Variants in TP63 observed in about 807,000 individuals in gnomAD.
TP63 encodes the protein tumor protein 63.
TP63 carries 17 observed loss-of-function variants against 82.8 expected under a neutral mutation model. That is an observed-to-expected ratio of 0.21 (90% CI 0.14 to 0.31). TP63 has a LOEUF of 0.31. Among genes scored for constraint, TP63 ranks in the 10% least tolerant of loss-of-function variants. TP63 has a pLI of 1.00. For synonymous variants in TP63, 330 were observed against 321.7 expected (o/e 1.03, Z -0.28); for missense variants, 648 against 895.3 (o/e 0.72, Z 3.52).
chr3:189,773,893 A>G (rs1560173497), intron 3 of TP63, among the ~76,000 whole-genome samples: 1 of 143,028 alleles, frequency 7.0e-6, no homozygotes, highest in Non-Finnish European at 1.5e-5. Flanking sequence ...GAGAACACAT[A>G]TCCATGTATT....
At position 189,872,400 on chromosome 3, in the gene TP63, A is replaced by AACAC. The variant is rs60097753; in HGVS notation, c.1213-429_1213-426dup. 5.8e-3 allele frequency among the ~76,000 whole-genome samples: 855 copies of AACAC among 147,096 alleles called. 4 individuals are homozygous for AACAC. Among genetic ancestry groups the AACAC allele is most frequent in the South Asian group, 0.011 (52 of 4,558 alleles). ...ACTCATGCCTGAATAAAGTTTCTCT[A>AACAC]ACACACACACACACACACACACACA... On this transcript the variant is annotated intron_variant, in intron 9 of 13. Transcript: ENST00000264731.
intron 4 of TP63, among the ~76,000 whole-genome samples, chr3:189,816,335 T>C (rs1728180259): frequency 6.6e-6 from 1 of 152,212 alleles, no homozygotes; most frequent in Admixed American, 6.5e-5. Context: ...GTACCATTTA[T>C]TGTGGGATTG....
At chr3:189,717,007 A>G (rs1719014984) in intron 1 of TP63, among the ~76,000 whole-genome samples, 1 of 152,160 alleles carries the variant, frequency 6.6e-6, no homozygotes, top group Non-Finnish European at 1.5e-5. Context: ...CATGTTGACC[A>G]GGCTGGTCTA....
chr3:189,657,644 A>G (rs1436720455), intron 1 of TP63, among the ~76,000 whole-genome samples: 3 of 152,134 alleles, frequency 2.0e-5, no homozygotes, highest in African/African-American at 4.8e-5. Flanking sequence ...ATATTTATCT[A>G]TTGGAGTAGG....
chr3:189,821,686 A>G (rs184020788), intron 4 of TP63, among the ~76,000 whole-genome samples: 3 of 152,374 alleles, frequency 2.0e-5, no homozygotes, highest in Non-Finnish European at 4.4e-5. Context: ...GTTGTAGGGC[A>G]TAGATTATCT....
intron 4 of TP63, among the ~76,000 whole-genome samples, chr3:189,833,402 TAC>T (rs1340335921): frequency 6.6e-6 from 1 of 152,248 alleles, no homozygotes; most frequent in Non-Finnish European, 1.5e-5. Context: ...ATTATGTAAG[TAC>T]AGTGTCTTCA....
intron 3 of TP63, 110 bp downstream of exon 3, chr3:189,738,884 G>A: frequency 1.3e-6 from 2 of 1,493,408 alleles, no homozygotes; most frequent in African/African-American, 1.4e-5. Flanking sequence ...AATGGCCAAG[G>A]CCTTTGGGAA....
intron 1 of TP63, among the ~76,000 whole-genome samples, chr3:189,673,685 G>A (rs1026077986): frequency 6.6e-6 from 1 of 152,074 alleles, no homozygotes; most frequent in African/African-American, 2.4e-5. Flanking sequence ...ATAAATTTAA[G>A]CACATATTTT....
At position 189,669,098 on chromosome 3, in the gene TP63, T is replaced by C. The variant is rs150808046; in HGVS notation, c.62+37521T>C. Among the ~76,000 whole-genome samples, 29 of 151,866 alleles carry C rather than the reference T, an allele frequency of 1.9e-4. No homozygotes were observed. The East Asian group carries it at 5.4e-3, about 28-fold the overall frequency. ...GGGAATAAATAATATAAATCATGAC[T>C]GACTTCTCATCAGAAAAATGGACAC... On this transcript the variant is annotated intron_variant, in intron 1 of 13. Coordinates refer to ENST00000264731, the MANE Select transcript of TP63 (RefSeq NM_003722.5).
chr3:189,631,302 T>C, upstream of TP63: 1 of 1,373,050 alleles, frequency 7.3e-7, no homozygotes, highest in Non-Finnish European at 9.4e-7. Flanking sequence ...TATGAAGTTT[T>C]AGTCAATTGA....
chr3:189,760,114 G>T (rs982525381), intron 3 of TP63, among the ~76,000 whole-genome samples: 4 of 152,156 alleles, frequency 2.6e-5, no homozygotes, highest in Non-Finnish European at 5.9e-5. Flanking sequence ...GCTACAAAAT[G>T]AGATTTGGGT....
intron 4 of TP63, among the ~76,000 whole-genome samples, chr3:189,837,076 C>G (rs536408686): frequency 6.6e-6 from 1 of 152,130 alleles, no homozygotes; most frequent in East Asian, 1.9e-4. Flanking sequence ...GTGTTCTTCA[C>G]GGTGTACGAT....
chr3:189,839,358 A>G (rs1713643835), intron 4 of TP63, among the ~76,000 whole-genome samples: 1 of 152,234 alleles, frequency 6.6e-6, no homozygotes, highest in African/African-American at 2.4e-5. Context: ...AGTTAGAAGC[A>G]CAAAGTGGAA....
In TP63 at chr3:189,808,422, C is replaced by T. The variant is rs752603187; in HGVS notation, c.475C>T (p.Leu159Phe). The T allele has an allele frequency of 3.6e-5, 58 of 1,614,102 alleles. No homozygotes were observed. Among genetic ancestry groups the T allele is most frequent in the African/African-American group, 1.3e-4 (10 of 74,938 alleles). ...ACAGCCCAGCTCCACCTTCGATGCT[C>T]TCTCTCCATCACCCGCCATCCCCTC... ...YAQPSSTFDA[L>F]SPSPAIPSNT... Residue 159 changes from leucine (L) to phenylalanine (F), a missense_variant, in exon 4 of 14, where the codon CTC becomes TTC. Around this residue, in one of 5 missense-constraint regions of TP63, gnomAD observed 182 missense variants for 213.6 expected, o/e 0.85. Coordinates refer to ENST00000264731, the MANE Select transcript of TP63 (RefSeq NM_003722.5).
Position 189,856,727 on chromosome 3 carries a change from C to T in TP63, c.580-7505C>T, listed in dbSNP as rs145440947. Among the ~76,000 whole-genome samples the T allele has an allele frequency of 9.5e-4, 145 of 151,868 alleles. No homozygotes were observed. In the Middle Eastern group the frequency reaches 0.01, roughly 11 times the overall value. Reference sequence around the variant, plus strand: ...TATAAATACATGACATAGTATAAAACGCATTAGAAACAAAAAGAAATTTTC... The same window carrying T: ...TATAAATACATGACATAGTATAAAATGCATTAGAAACAAAAAGAAATTTTC... On this transcript the variant is annotated intron_variant, in intron 4 of 13. Transcript: ENST00000264731.
At chr3:189,881,546 C>T in intron 10 of TP63, 1 of 982,944 alleles carries the variant, frequency 1.0e-6, no homozygotes, top group Non-Finnish European at 1.2e-6. Context: ...CCACTAAATA[C>T]TAGAATATTC....
chr3:189,882,877 C>T (rs1216680476), intron 10 of TP63, among the ~76,000 whole-genome samples: 5 of 152,150 alleles, frequency 3.3e-5, no homozygotes, highest in African/African-American at 1.2e-4. Flanking sequence ...GGACTTGGCT[C>T]CACCAGGATT....
At chr3:189,734,482 A>G (rs1022903468) in intron 1 of TP63, among the ~76,000 whole-genome samples, 2 of 152,060 alleles carry the variant, frequency 1.3e-5, no homozygotes, top group Admixed American at 1.3e-4. Context: ...TATTGTTTTT[A>G]TCTATTTTGT....
chr3:189,862,569 A>C (rs942441086), intron 4 of TP63, among the ~76,000 whole-genome samples: 31 of 152,196 alleles, frequency 2.0e-4, no homozygotes, highest in African/African-American at 7.2e-4. Flanking sequence ...ATTAGTTGAC[A>C]GACTTATTTT....
Sources: allele counts gnomAD v4.1 joint callset (sites outside exome capture counted in the v4.1 genomes callset), GRCh38; gene constraint gnomAD v4.1.1; regional missense constraint gnomAD v4.1.1; transcripts MANE v1.5; gene names NCBI Gene and HGNC (gene_info 2026-07-23, HGNC 2026-07-21).